Variants in SBF2 observed in about 807,000 individuals in gnomAD.
SBF2 encodes the protein SET binding factor 2, also known as myotubularin-related protein 13.
SBF2 carries 112 observed loss-of-function variants against 225.2 expected under a neutral mutation model. The observed-to-expected ratio is 0.50, with a 90% CI of 0.43 to 0.58. The LOEUF is 0.58. Ranked by LOEUF, SBF2 falls within the 20% of genes least tolerant of loss-of-function variation. SBF2 has a pLI of 0.00. For missense variants in SBF2, 1,996 were observed against 2,206.2 expected (o/e 0.90, Z 1.91); for synonymous variants, 763 against 773.3 (o/e 0.99, Z 0.22).
chr11:10,223,975 T>C (rs1958445012), intron 1 of SBF2, among the ~76,000 whole-genome samples: 1 of 152,176 alleles, frequency 6.6e-6, no homozygotes, highest in African/African-American at 2.4e-5. Flanking sequence ...TATCTTTACA[T>C]TTGTTTACAT....
At chr11:9,809,158 A>G (rs944975821) in intron 30 of SBF2, 156 bp from the exon 31 acceptor site, 1 of 605,614 alleles carries the variant, frequency 1.7e-6, no homozygotes, top group Non-Finnish European at 3.0e-6. Context: ...AGTTCTTTCA[A>G]ATCAAGATTA....
intron 2 of SBF2, among the ~76,000 whole-genome samples, chr11:10,064,439 A>G (rs1950561240): frequency 6.6e-6 from 1 of 152,188 alleles, no homozygotes; most frequent in African/African-American, 2.4e-5. Context: ...AATGAACAGA[A>G]AACAGTAAAA....
intron 36 of SBF2, among the ~76,000 whole-genome samples, chr11:9,786,739 G>A (rs773472250): frequency 5.3e-5 from 8 of 152,138 alleles, no homozygotes; most frequent in Admixed American, 6.5e-5. Flanking sequence ...GAGAGGGAAC[G>A]CCATTCCCTC....
chr11:10,027,069 T>C (rs1313620877), intron 6 of SBF2, among the ~76,000 whole-genome samples: 1 of 152,174 alleles, frequency 6.6e-6, no homozygotes. Context: ...CATGCATTAC[T>C]TCACATACTT....
At chr11:9,945,923 T>C (rs1396423063) in intron 16 of SBF2, among the ~76,000 whole-genome samples, 1 of 148,232 alleles carries the variant, frequency 6.7e-6, no homozygotes, top group Non-Finnish European at 1.5e-5. Context: ...ATTAAAAAGT[T>C]AAAAAAAAAA....
rs1852299214 is a variant in SBF2, at chr11:9,785,330, A to G, written c.5038-12T>C. 4 of 1,612,070 alleles carry G rather than the reference A, an allele frequency of 2.5e-6. No homozygotes were observed. Among genetic ancestry groups the G allele is most frequent in the Non-Finnish European group, 3.4e-6 (4 of 1,178,238 alleles). On this transcript the variant is annotated splice_polypyrimidine_tract_variant and intron_variant, in intron 36 of 39. Coordinates refer to ENST00000256190, the MANE Select transcript of SBF2 (RefSeq NM_030962.4). ...AGGTGTCTTTGGGACTGAAAAAGACAGGACAGGAGCTAGGAAACCTTTACA... is the reference window on the plus strand; with the variant it reads ...AGGTGTCTTTGGGACTGAAAAAGACGGGACAGGAGCTAGGAAACCTTTACA...
intron 32 of SBF2, among the ~76,000 whole-genome samples, chr11:9,800,131 G>A (rs1212570285): frequency 1.3e-5 from 2 of 152,056 alleles, no homozygotes; most frequent in East Asian, 3.9e-4. Flanking sequence ...TGAGCTATTA[G>A]GGAGGCTGAG....
chr11:10,208,805 T>C (rs527490121), intron 1 of SBF2, among the ~76,000 whole-genome samples: 29 of 152,218 alleles, frequency 1.9e-4, no homozygotes, highest in African/African-American at 6.7e-4. Flanking sequence ...CTATAAAACA[T>C]TGATCCTTTC....
At chr11:9,987,145 A>G (rs1370867944) in intron 13 of SBF2, among the ~76,000 whole-genome samples, 1 of 152,006 alleles carries the variant, frequency 6.6e-6, no homozygotes, top group African/African-American at 2.4e-5. Context: ...AATGTGATAC[A>G]CCACATAAAC....
chr11:10,078,426 A>G (rs978953891), intron 2 of SBF2, among the ~76,000 whole-genome samples: 1 of 152,246 alleles, frequency 6.6e-6, no homozygotes, highest in African/African-American at 2.4e-5. Flanking sequence ...TGGCACATAT[A>G]CACCATGGAA....
In SBF2 at chr11:10,002,577, T is replaced by C. The variant is rs993090831; in HGVS notation, c.732A>G (p.Leu244=). Residue 244 remains leucine (L), a synonymous_variant, in exon 7 of 40, where the codon TTA becomes TTG. Transcript: ENST00000256190. The part of the protein sequence containing the change: ...LSDACRALES[L]MFPLKYSYPY... Reference sequence around the variant, plus strand: ...CTCACCTATATTTAAGAGGAAACATTAAAGATTCCAGGGCTCTACAAGCAT... The same window carrying C: ...CTCACCTATATTTAAGAGGAAACATCAAAGATTCCAGGGCTCTACAAGCAT... 2 of 1,612,148 alleles carry C rather than the reference T, an allele frequency of 1.2e-6. No homozygotes were observed. The highest frequency in any genetic ancestry group is 2.7e-5 in the African/African-American group (2 of 74,872).
At chr11:10,178,486 C>T (rs1956571895) in intron 2 of SBF2, among the ~76,000 whole-genome samples, 1 of 147,586 alleles carries the variant, frequency 6.8e-6, no homozygotes, top group African/African-American at 2.5e-5. Flanking sequence ...TGAACTCAAA[C>T]AAATTTACAA....
chr11:10,219,536 T>TA (rs1342520493), intron 1 of SBF2, among the ~76,000 whole-genome samples: 1 of 152,238 alleles, frequency 6.6e-6, no homozygotes, highest in Non-Finnish European at 1.5e-5. Flanking sequence ...CCTCGTTACT[T>TA]ACGCAAATTT....
At chr11:9,866,419 A>G (rs986797073) in intron 17 of SBF2, among the ~76,000 whole-genome samples, 5 of 152,224 alleles carry the variant, frequency 3.3e-5, no homozygotes, top group Non-Finnish European at 5.9e-5. Context: ...CCATAAATAA[A>G]TCTATGTATG....
At chr11:9,997,124 C>A (rs942706025) in intron 9 of SBF2, among the ~76,000 whole-genome samples, 5 of 152,184 alleles carry the variant, frequency 3.3e-5, no homozygotes, top group African/African-American at 1.2e-4. Flanking sequence ...TGAAAGTTTT[C>A]TGAGAATAAA....
At chr11:10,084,107 A>C (rs1278499338) in intron 2 of SBF2, among the ~76,000 whole-genome samples, 1 of 152,224 alleles carries the variant, frequency 6.6e-6, no homozygotes, top group Non-Finnish European at 1.5e-5. Context: ...TCTATCCAAC[A>C]AGGGACTAAT....
intron 6 of SBF2, among the ~76,000 whole-genome samples, chr11:10,025,536 T>G (rs1309601957): frequency 6.6e-6 from 1 of 152,158 alleles, no homozygotes; most frequent in Non-Finnish European, 1.5e-5. Context: ...CACTTCATTT[T>G]CTCCTGGATC....
intron 2 of SBF2, among the ~76,000 whole-genome samples, chr11:10,112,326 G>A (rs533996459): frequency 6.6e-6 from 1 of 152,312 alleles, no homozygotes; most frequent in Admixed American, 6.5e-5. Flanking sequence ...AATTATGGGG[G>A]TGGGTCTTTC....
At chr11:10,011,237 G>GT (rs1246368003) in intron 6 of SBF2, among the ~76,000 whole-genome samples, 1 of 151,738 alleles carries the variant, frequency 6.6e-6, no homozygotes, top group Admixed American at 6.6e-5. Context: ...ATTTTTTATT[G>GT]TTTTTTTGAG....
Sources: gnomAD v4.1 joint callset for allele counts (sites outside exome capture counted in the v4.1 genomes callset) on GRCh38, gnomAD v4.1.1 for gene constraint, MANE v1.5 for transcripts, NCBI Gene and HGNC (gene_info 2026-07-23, HGNC 2026-07-21) for gene names.